The following RBFOX1 variants were observed in gnomAD, a reference collection of about 807,000 sequenced individuals.
RBFOX1 encodes RNA binding protein fox-1 homolog 1.
Under a neutral mutation model 57.7 loss-of-function variants are expected in RBFOX1, and 8 were observed. That is an observed-to-expected ratio of 0.14 (90% CI 0.08 to 0.25). RBFOX1 has a LOEUF of 0.25. Among genes scored for constraint, RBFOX1 ranks in the 10% least tolerant of loss-of-function variants. The pLI is 1.00. For missense variants in RBFOX1, 611 were observed against 548.5 expected (o/e 1.11, Z -1.14); for synonymous variants, 326 against 222.4 (o/e 1.47, Z -4.15).
intron 2 of RBFOX1, among the ~76,000 whole-genome samples, chr16:6,355,417 G>C (rs1027971791): frequency 7.2e-5 from 11 of 152,234 alleles, no homozygotes; most frequent in Middle Eastern, 3.4e-3. Context: ...AGTTTGCTGA[G>C]AATGGTGGTT....
intron 3 of RBFOX1, among the ~76,000 whole-genome samples, chr16:6,852,292 C>G (rs1009389278): frequency 6.6e-6 from 1 of 152,102 alleles, no homozygotes; most frequent in Non-Finnish European, 1.5e-5. Context: ...CTGTGTGTGC[C>G]TCTGCGTCTT....
rs370390655 is a variant in RBFOX1 at position 6,898,230 on chromosome 16, G to A, written c.-15-153827G>A. ...AGTTTGCACCCATGGCCGCCCCTTT[G>A]GCATCAAGCTCTGACTCCAGCTGTG... On this transcript the variant is annotated intron_variant, in intron 3 of 15. Transcript: ENST00000550418. Among the ~76,000 whole-genome samples, 5 of 152,094 alleles carry A rather than the reference G, an allele frequency of 3.3e-5. No homozygotes were observed. The East Asian group carries it at 5.8e-4, about 18-fold the overall frequency.
At chr16:5,833,366 G>C (rs975950581) in intron 3 of RBFOX1, among the ~76,000 whole-genome samples, 5 of 151,994 alleles carry the variant, frequency 3.3e-5, no homozygotes, top group Non-Finnish European at 5.9e-5. Context: ...ATGGTGGCAG[G>C]CACCTGTAGT....
At chr16:6,780,642 T>C (rs893568139) in intron 3 of RBFOX1, among the ~76,000 whole-genome samples, 3 of 147,560 alleles carry the variant, frequency 2.0e-5, no homozygotes, top group Non-Finnish European at 4.5e-5. Context: ...TTTTCTTTCT[T>C]TTATATATGT....
At chr16:6,359,238 G>A (rs1016579817) in intron 2 of RBFOX1, among the ~76,000 whole-genome samples, 4 of 152,046 alleles carry the variant, frequency 2.6e-5, no homozygotes, top group African/African-American at 9.7e-5. Context: ...GATGACGGGT[G>A]TGTACCACCA....
intron 3 of RBFOX1, among the ~76,000 whole-genome samples, chr16:5,665,143 G>GGGGGC: frequency 1.5e-5 from 2 of 135,998 alleles, no homozygotes; most frequent in African/African-American, 2.8e-5. Flanking sequence ...GGGGGGGGCG[G>GGGGGC]TCTTGCTATA....
At chr16:7,503,038 A>G (rs902077601) in intron 4 of RBFOX1, among the ~76,000 whole-genome samples, 1 of 152,176 alleles carries the variant, frequency 6.6e-6, no homozygotes, top group East Asian at 1.9e-4. Context: ...AAATAAATAA[A>G]TTATTCTAAA....
chr16:6,193,419 T>TA, intron 1 of RBFOX1, among the ~76,000 whole-genome samples: 1 of 120,498 alleles, frequency 8.3e-6, no homozygotes, highest in African/African-American at 2.9e-5. Context: ...TATATATATA[T>TA]ATATATAAAA....
intron 4 of RBFOX1, among the ~76,000 whole-genome samples, chr16:7,360,125 G>A (rs2097293693): frequency 1.3e-5 from 2 of 152,184 alleles, no homozygotes. Flanking sequence ...CCAAAAGACA[G>A]ATGGATGGAA....
chr16:6,769,187 C>T (rs370691525), intron 3 of RBFOX1, among the ~76,000 whole-genome samples: 3 of 152,066 alleles, frequency 2.0e-5, no homozygotes, highest in African/African-American at 7.2e-5. Flanking sequence ...GTGCATAAGC[C>T]TCATGAGATC....
At chr16:5,404,732 G>C (rs1022619922) in intron 1 of RBFOX1, among the ~76,000 whole-genome samples, 13 of 152,184 alleles carry the variant, frequency 8.5e-5, no homozygotes, top group African/African-American at 2.9e-4. Flanking sequence ...ATGCTGTCTG[G>C]AGCCTGCAGG....
At position 7,057,191 on chromosome 16, in the gene RBFOX1, A is replaced by T. The variant is rs540014520; in HGVS notation, c.27+5093A>T. On this transcript the variant is annotated intron_variant, in intron 4 of 15. Transcript: ENST00000550418. ...CACCAAACTCCCCACAAGGAAAGAC[A>T]ACATAAAGGGCAGGCTCTGTATTTG... Among the ~76,000 whole-genome samples the T allele has an allele frequency of 1.6e-4, 25 of 152,318 alleles. No individual in the cohort carries two copies. In the East Asian group the frequency reaches 4.8e-3, roughly 29 times the overall value.
intron 1 of RBFOX1, among the ~76,000 whole-genome samples, chr16:5,297,597 T>A (rs528324672): frequency 6.6e-6 from 1 of 152,194 alleles, no homozygotes; most frequent in African/African-American, 2.4e-5. Flanking sequence ...TTTCTTACTA[T>A]TGAGTTGAGT....
chr16:6,483,789 G>A, intron 2 of RBFOX1: 1 of 1,389,112 alleles, frequency 7.2e-7, no homozygotes, highest in Non-Finnish European at 9.3e-7. Flanking sequence ...GCGCAGACAC[G>A]GTGGCGGCGT....
At chr16:6,875,576 G>C (rs1022242106) in intron 3 of RBFOX1, among the ~76,000 whole-genome samples, 1 of 152,246 alleles carries the variant, frequency 6.6e-6, no homozygotes, top group South Asian at 2.1e-4. Flanking sequence ...AAGGAAAATA[G>C]TAGATGTGTT....
At chr16:5,641,478 A>C (rs2048873518) in intron 3 of RBFOX1, among the ~76,000 whole-genome samples, 2 of 152,232 alleles carry the variant, frequency 1.3e-5, no homozygotes, top group African/African-American at 4.8e-5. Flanking sequence ...GATAAGGGTA[A>C]GTAGAAAGGC....
intron 2 of RBFOX1, among the ~76,000 whole-genome samples, chr16:5,516,989 T>G (rs535010935): frequency 1.3e-5 from 2 of 152,002 alleles, no homozygotes; most frequent in African/African-American, 4.8e-5. Flanking sequence ...TTCTCCTGAC[T>G]TTCTTCCTGT....
chr16:5,317,539 G>A (rs1311192678), intron 1 of RBFOX1, among the ~76,000 whole-genome samples: 3 of 152,180 alleles, frequency 2.0e-5, no homozygotes, highest in Non-Finnish European at 4.4e-5. Context: ...AATCTGGGAG[G>A]TGGAGTTTGC....
chr16:6,640,236 A>T lies in RBFOX1; in HGVS notation c.-63-14367A>T, dbSNP rs185655815. The stretch of plus-strand genomic sequence containing the variant: ...ATTTTATTATCTTAGTGTTTCAGAT[A>T]CGCCTTTTGCCACATTTCCTCAAGA... On this transcript the variant is annotated intron_variant, in intron 2 of 15. Transcript: ENST00000550418. Among the ~76,000 whole-genome samples, 7 of 152,318 alleles carry T rather than the reference A, an allele frequency of 4.6e-5. No individual in the cohort carries two copies. The East Asian group carries it at 5.8e-4, about 13-fold the overall frequency.
Sources: gnomAD v4.1 joint callset for allele counts (sites outside exome capture counted in the v4.1 genomes callset) on GRCh38, gnomAD v4.1.1 for gene constraint, MANE v1.5 for transcripts, NCBI Gene and HGNC (gene_info 2026-07-23, HGNC 2026-07-21) for gene names.